The following ADAMTSL1 variants were observed in gnomAD, a reference collection of about 807,000 sequenced individuals.
ADAMTSL1 encodes ADAMTS like 1.
Under a neutral mutation model 201.8 loss-of-function variants are expected in ADAMTSL1, and 126 were observed. That is an observed-to-expected ratio of 0.62 (90% CI 0.54 to 0.72). The LOEUF is 0.72. Ranked by LOEUF, ADAMTSL1 falls within the 30% of genes least tolerant of loss-of-function variation. The probability of loss-of-function intolerance (pLI) is 0.00; values close to 1 mark genes in which losing one functional copy is unlikely to be tolerated. For synonymous variants in ADAMTSL1, 1,121 were observed against 903.4 expected, an observed-to-expected ratio of 1.24 and a Z score of -4.32; for missense variants, 2,679 against 2,277.8, an observed-to-expected ratio of 1.18 and a Z score of -3.59.
chr9:18,055,538 A>T (rs891630251), intron 1 of ADAMTSL1, among the ~76,000 whole-genome samples: 1 of 152,240 alleles, frequency 6.6e-6, no homozygotes, highest in African/African-American at 2.4e-5. Flanking sequence ...TTAAATGCTT[A>T]ATATATGTAC....
chr9:17,975,124 G>A (rs759426254), intron 1 of ADAMTSL1, among the ~76,000 whole-genome samples: 9 of 151,908 alleles, frequency 5.9e-5, no homozygotes, highest in Non-Finnish European at 7.4e-5. Flanking sequence ...GTGATGTCAA[G>A]CATCTTTTTA....
Position 18,046,049 on chromosome 9 carries a change from C to T in ADAMTSL1, c.88-117813C>T, listed in dbSNP as rs10963410. 3.8e-3 allele frequency among the ~76,000 whole-genome samples: 579 copies of T among 152,154 alleles called. 1 individual carries two copies. The highest frequency in any genetic ancestry group is 6.5e-3 in the Non-Finnish European group (442 of 67,994). ...CATTGTGGAAAGAATTGTCTTGTTCCTGGATGATATATTTTGTTCTTTTTT... is the reference window on the plus strand; with the variant it reads ...CATTGTGGAAAGAATTGTCTTGTTCTTGGATGATATATTTTGTTCTTTTTT... On this transcript the variant is annotated intron_variant, in intron 1 of 29. Transcript: ENST00000680146.
chr9:18,446,040 A>T (rs979403653), intron 2 of ADAMTSL1, among the ~76,000 whole-genome samples: 1 of 152,276 alleles, frequency 6.6e-6, no homozygotes, highest in African/African-American at 2.4e-5. Context: ...GAAGCGATGG[A>T]CCCAGAGTTT....
At chr9:18,803,344 C>T (rs1822917252) in intron 20 of ADAMTSL1, among the ~76,000 whole-genome samples, 2 of 152,204 alleles carry the variant, frequency 1.3e-5, no homozygotes, top group South Asian at 4.1e-4. Flanking sequence ...GGTTTCCTTC[C>T]TCCATCTTCA....
intron 1 of ADAMTSL1, among the ~76,000 whole-genome samples, chr9:18,487,774 A>T (rs149878273): frequency 6.6e-6 from 1 of 152,274 alleles, no homozygotes; most frequent in Admixed American, 6.5e-5. Flanking sequence ...ATTATTTTCC[A>T]TGTTGTTTGA....
chr9:18,819,300 A>C (rs1261242028), intron 21 of ADAMTSL1, among the ~76,000 whole-genome samples: 2 of 152,088 alleles, frequency 1.3e-5, no homozygotes, highest in African/African-American at 4.8e-5. Flanking sequence ...TACTAAAATT[A>C]CAAAAATTAG....
intron 1 of ADAMTSL1, among the ~76,000 whole-genome samples, chr9:17,969,686 T>A (rs141043373): frequency 1.3e-5 from 2 of 152,078 alleles, no homozygotes; most frequent in Admixed American, 6.6e-5. Context: ...ATTAAACACA[T>A]GTCTAATCTA....
chr9:18,367,136 C>A (rs1474224997), intron 2 of ADAMTSL1, among the ~76,000 whole-genome samples: 1 of 152,110 alleles, frequency 6.6e-6, no homozygotes, highest in Non-Finnish European at 1.5e-5. Context: ...TTTCCACCTA[C>A]CAAAGTAATC....
chr9:18,534,893 C>T (rs938221737), intron 3 of ADAMTSL1, among the ~76,000 whole-genome samples: 4 of 152,204 alleles, frequency 2.6e-5, no homozygotes, highest in African/African-American at 9.7e-5. Flanking sequence ...CTGCCTAGAG[C>T]AGGGGGCCAC....
At chr9:18,292,491 G>A (rs557963705) in intron 2 of ADAMTSL1, among the ~76,000 whole-genome samples, 2 of 152,280 alleles carry the variant, frequency 1.3e-5, no homozygotes, top group South Asian at 4.1e-4. Flanking sequence ...GTCTGTGAGG[G>A]TGTTGCCAAA....
chr9:18,486,217 A>G (rs1466531575), intron 1 of ADAMTSL1, among the ~76,000 whole-genome samples: 4 of 152,190 alleles, frequency 2.6e-5, no homozygotes, highest in African/African-American at 9.7e-5. Context: ...ACAGTTAGGG[A>G]TTATTTTTCC....
chr9:18,065,036 C>A (rs956072532), intron 1 of ADAMTSL1, among the ~76,000 whole-genome samples: 1 of 123,590 alleles, frequency 8.1e-6, no homozygotes, highest in Admixed American at 1.0e-4. Context: ...TGAAAAGATA[C>A]GGATTTTTAT....
Position 18,829,896 on chromosome 9 carries a change from A to G in ADAMTSL1, c.4168A>G (p.Thr1390Ala), listed in dbSNP as rs1336524206. The G allele has an allele frequency of 6.2e-7, 1 of 1,613,904 alleles. No individual in the cohort carries two copies. The stretch of plus-strand genomic sequence containing the variant: ...AGACATCAGGGCCTTGCTCGCTGCC[A>G]CTGGACCGAACCTTCCTTCAGTGCT... ...LEDIRALLAA[T>A]GPNLPSVLTS... Residue 1390 changes from threonine to alanine, a missense_variant, in exon 23 of 29, where the codon ACT becomes GCT. Transcript: ENST00000380548.
At chr9:18,300,149 G>C (rs1833645503) in intron 2 of ADAMTSL1, among the ~76,000 whole-genome samples, 2 of 152,118 alleles carry the variant, frequency 1.3e-5, no homozygotes, top group African/African-American at 2.4e-5. Context: ...CTGCTATAAA[G>C]ACACATGCAC....
intron 2 of ADAMTSL1, among the ~76,000 whole-genome samples, chr9:18,409,645 AG>A (rs1297959645): frequency 6.6e-6 from 1 of 150,616 alleles, no homozygotes; most frequent in Non-Finnish European, 1.5e-5. Context: ...TTCTTTTCCT[AG>A]TTCTATTATT....
chr9:18,907,802 C>A (rs1186621265), intron 28 of ADAMTSL1: 1 of 154,082 alleles, frequency 6.5e-6, no homozygotes, highest in African/African-American at 2.4e-5. Flanking sequence ...TTAAAACTTA[C>A]CAAACCAAGT....
chr9:18,677,123 T>G (rs1034440614), intron 10 of ADAMTSL1, among the ~76,000 whole-genome samples: 1 of 152,064 alleles, frequency 6.6e-6, no homozygotes, highest in Non-Finnish European at 1.5e-5. Context: ...GTCTAGTGAC[T>G]GGCAGGGAAC....
chr9:18,749,915 G>C (rs1226601028), intron 15 of ADAMTSL1, among the ~76,000 whole-genome samples: 1 of 152,192 alleles, frequency 6.6e-6, no homozygotes, highest in Non-Finnish European at 1.5e-5. Context: ...GCTGCCAAAA[G>C]GCCTCTGCTT....
chr9:18,847,405 G>C (rs1294152076), intron 23 of ADAMTSL1, among the ~76,000 whole-genome samples: 1 of 152,138 alleles, frequency 6.6e-6, no homozygotes. Flanking sequence ...ACAGACAAAA[G>C]TCCCTCCTCT....
Sources: allele counts gnomAD v4.1 joint callset (sites outside exome capture counted in the v4.1 genomes callset), GRCh38; gene constraint gnomAD v4.1.1; transcripts MANE v1.5; gene names NCBI Gene and HGNC (gene_info 2026-07-23, HGNC 2026-07-21).